Variants in CRABP2 observed in about 807,000 individuals in gnomAD.
The protein encoded by CRABP2 is cellular retinoic acid binding protein 2.
CRABP2 carries 20 observed loss-of-function variants against 17.9 expected under a neutral mutation model. The ratio of observed to expected loss-of-function variants is 1.12; its 90% CI spans 0.79 to 1.63. CRABP2 has a LOEUF of 1.63. CRABP2 is among the 40% of genes most tolerant of loss of function. The pLI is 0.00. For missense variants in CRABP2, 151 were observed against 168.6 expected (o/e 0.90, Z 0.58); for synonymous variants, 76 against 66.4 (o/e 1.14, Z -0.70).
rs531753221 is a variant in CRABP2 at position 156,702,383 on chromosome 1, G to A, written c.71-1331C>T. ...GGGGTAGGAGAATCACTTGAATCCG[G>A]GAGGCGGAGGTTGCAGTGAGCCAAG... On this transcript the variant is annotated intron_variant, in intron 1 of 3. Coordinates refer to ENST00000368222, the MANE Select transcript of CRABP2 (RefSeq NM_001878.4). Among the ~76,000 whole-genome samples, 3 of 152,140 alleles carry A rather than the reference G, an allele frequency of 2.0e-5. No homozygotes were observed. In the South Asian group the frequency reaches 6.2e-4, roughly 32 times the overall value.
chr1:156,701,129 G>T, intron 1 of CRABP2, 77 bp from the exon 2 acceptor site: 1 of 1,505,012 alleles, frequency 6.6e-7, no homozygotes. Flanking sequence ...AAGACAGTTG[G>T]AGCAGGCTGA....
chr1:156,705,427 T>A lies in CRABP2; in HGVS notation c.20A>T (p.Asn7Ile). 6.2e-7 allele frequency: 1 copy of A among 1,614,084 alleles called. No individual in the cohort carries two copies. Among genetic ancestry groups the A allele is most frequent in the Non-Finnish European group, 8.5e-7 (1 of 1,180,000 alleles). The change falls in exon 1 of 4, where the codon AAC becomes ATC. Residue 7 changes from asparagine (N) to isoleucine (I), a missense_variant. Physicochemically the swap from Asn to Ile is moderately radical, Grantham distance 149 (BLOSUM62 -3). Transcript: ENST00000368222. The surrounding 1 kb of genome is among the most constrained non-coding windows in gnomAD (Gnocchi z 5.2). Reference protein sequence around the residue: MPNFSGNWKIIRSENFE... With the variant: MPNFSGIWKIIRSENFE... ...GTTTTCCGATCGGATGATTTTCCAG[T>A]TGCCAGAGAAGTTGGGCATGGTGGC... is the stretch of plus-strand genomic sequence containing the variant.
rs1647980573 is a variant in CRABP2, at chr1:156,700,046, T to G, written c.397A>C (p.Arg133=). Residue 133 remains arginine, a synonymous_variant, in exon 4 of 4, where the codon AGG becomes CGG. Coordinates refer to ENST00000368222, the MANE Select transcript of CRABP2 (RefSeq NM_001878.4). ...TMTADDVVCT[R]VYVRE is the part of the protein sequence containing the mutation. ...GCCACTCACTCTCGGACGTAGACCCTGGTGCACACAACGTCATCCGCCGTC... is the reference window on the plus strand; with the variant it reads ...GCCACTCACTCTCGGACGTAGACCCGGGTGCACACAACGTCATCCGCCGTC... 6.2e-7 allele frequency: 1 copy of G among 1,613,568 alleles called. No homozygotes were observed. The highest frequency in any genetic ancestry group is 8.5e-7 in the Non-Finnish European group (1 of 1,179,778).
rs5778001 is a variant in CRABP2, at chr1:156,703,031, TAAAAAAAAA to T, written c.71-1988_71-1980del. ...GGGCAACACAGTGAGACCCTACCAC[TAAAAAAAAA>T]AAAAAAAAAAAAAAGGAAAGCAAAA... is the stretch of plus-strand genomic sequence containing the variant. On this transcript the variant is annotated intron_variant, in intron 1 of 3. Transcript: ENST00000368222. Among the ~76,000 whole-genome samples, 3 of 86,206 alleles carry T rather than the reference TAAAAAAAAA, an allele frequency of 3.5e-5. No individual in the cohort carries two copies. The Admixed American group carries it at 3.8e-4, about 11-fold the overall frequency. The allele number at this position is 86,206 out of a possible 152,430, so 56.6% of individuals were successfully genotyped here.
At chr1:156,705,723 C>A, upstream of CRABP2, 1 of 432,214 alleles carries the variant, frequency 2.3e-6, no homozygotes, top group Non-Finnish European at 4.2e-6. This position sits in a 1 kb window ranked among gnomAD's most constrained non-coding sequence, Gnocchi z 5.2. Flanking sequence ...GGATCTAGCC[C>A]GCGTGTGGGT....
At position 156,705,429 on chromosome 1, in the gene CRABP2, G is replaced by A; in HGVS notation, c.18C>T (p.Gly6=). 1 of 1,614,120 alleles carries A rather than the reference G, an allele frequency of 6.2e-7. No individual in the cohort carries two copies. The highest frequency in any genetic ancestry group is 8.5e-7 in the Non-Finnish European group (1 of 1,180,016). The part of the protein sequence containing the change: MPNFS[G]NWKIIRSENF... ...TTTCCGATCGGATGATTTTCCAGTT[G>A]CCAGAGAAGTTGGGCATGGTGGCGG... Residue 6 remains glycine, a synonymous_variant, in exon 1 of 4, where the codon GGC becomes GGT. Coordinates refer to ENST00000368222, the MANE Select transcript of CRABP2 (RefSeq NM_001878.4). This position sits in a 1 kb window ranked among gnomAD's most constrained non-coding sequence, Gnocchi z 5.2.
Position 156,705,267 on chromosome 1 carries a change from G to T in CRABP2, c.70+110C>A. ...CCTGGCACGTTTTTCGGGGATGCAG[G>T]CACCCAGTGTCTCACGCCCTGATTG... is the stretch of plus-strand genomic sequence containing the variant. On this transcript the variant is annotated intron_variant, in intron 1 of 3. Transcript: ENST00000368222. The surrounding 1 kb of genome is among the most constrained non-coding windows in gnomAD (Gnocchi z 5.2). 8.3e-7 allele frequency: 1 copy of T among 1,198,076 alleles called. No individual in the cohort carries two copies. Among genetic ancestry groups the T allele is most frequent in the Non-Finnish European group, 1.2e-6 (1 of 810,940 alleles). 74.2% of individuals were successfully genotyped at this position (1,198,076 alleles called of 1,614,324 possible). A position where few individuals can be genotyped will look rare whatever the true frequency, so the allele number is the denominator to read the frequency against.
At chr1:156,703,505 G>A (rs181767638) in intron 1 of CRABP2, among the ~76,000 whole-genome samples, 12 of 152,290 alleles carry the variant, frequency 7.9e-5, no homozygotes, top group Admixed American at 2.6e-4. Flanking sequence ...GCACTAGGCG[G>A]GGGTGAAAGG....
In CRABP2 at chr1:156,700,045, C is replaced by T. The variant is rs372844148; in HGVS notation, c.398G>A (p.Arg133Lys). Residue 133 changes from arginine (R) to lysine (K), a missense_variant, in exon 4 of 4, where the codon AGG becomes AAG. Arg to Lys is a conservative substitution (Grantham distance 26). Coordinates refer to ENST00000368222, the MANE Select transcript of CRABP2 (RefSeq NM_001878.4). ...TMTADDVVCT[R>K]VYVRE ...GGCCACTCACTCTCGGACGTAGACCCTGGTGCACACAACGTCATCCGCCGT... is the reference window on the plus strand; with the variant it reads ...GGCCACTCACTCTCGGACGTAGACCTTGGTGCACACAACGTCATCCGCCGT... 36 of 1,613,494 alleles carry T rather than the reference C, an allele frequency of 2.2e-5. No homozygotes were observed. The highest frequency in any genetic ancestry group is 3.1e-5 in the Non-Finnish European group (36 of 1,179,770).
At position 156,701,164 on chromosome 1, in the gene CRABP2, T is replaced by C. The variant is rs542926350; in HGVS notation, c.71-112A>G. ...ATTTGTGACTTGCTTGGGGTGGGTG[T>C]GTTGGGGGGTGCATCTGCCTGGTGC... On this transcript the variant is annotated intron_variant, in intron 1 of 3. Coordinates refer to ENST00000368222, the MANE Select transcript of CRABP2 (RefSeq NM_001878.4). 54 of 1,200,076 alleles carry C rather than the reference T, an allele frequency of 4.5e-5. 1 individual carries two copies. The African/African-American group carries it at 7.1e-4, about 16-fold the overall frequency. 74.3% of individuals were successfully genotyped at this position (1,200,076 alleles called of 1,614,324 possible).
chr1:156,700,268 G>T (rs1258916825), intron 3 of CRABP2, among the ~76,000 whole-genome samples, 192 bp from the exon 4 acceptor site: 1 of 152,046 alleles, frequency 6.6e-6, no homozygotes, highest in South Asian at 2.1e-4. Context: ...GAGCCCCTGG[G>T]GCCCGTCCTC....
chr1:156,704,699 A>T (rs1459228898), intron 1 of CRABP2, among the ~76,000 whole-genome samples: 1 of 152,192 alleles, frequency 6.6e-6, no homozygotes, highest in Admixed American at 6.5e-5. Context: ...GGGGTTTCAC[A>T]CGAAACCATT....
At chr1:156,700,459 A>T in intron 3 of CRABP2, 83 bp downstream of exon 3, 1 of 1,087,054 alleles carries the variant, frequency 9.2e-7, no homozygotes, top group Non-Finnish European at 1.4e-6. Flanking sequence ...GTTGTTCTTG[A>T]GTCTCCTGCA....
At chr1:156,700,826 G>A in intron 2 of CRABP2, 48 bp downstream of exon 2, 1 of 1,592,162 alleles carries the variant, frequency 6.3e-7, no homozygotes, top group Non-Finnish European at 8.6e-7. Flanking sequence ...GGCAGGTTGA[G>A]AGGCAGGGCA....
intron 2 of CRABP2, 36 bp downstream of exon 2, chr1:156,700,838 T>C (rs1369295914): frequency 6.2e-7 from 1 of 1,600,052 alleles, no homozygotes; most frequent in Middle Eastern, 1.7e-4. Flanking sequence ...GGCAGGGCAA[T>C]GACGCCATGA....
Position 156,699,925 on chromosome 1 carries a change from A to C in CRABP2, c.*101T>G. ...CCCCAGAAGTGACTGGGGTAAGGGG[A>C]GCGCTATCCTAGAAGGAGGGGGTGG... On this transcript the variant is annotated 3_prime_UTR_variant, in exon 4 of 4. Transcript: ENST00000368222. The C allele has an allele frequency of 5.6e-5, 67 of 1,189,482 alleles. No individual in the cohort carries two copies. Among genetic ancestry groups the C allele is most frequent in the Non-Finnish European group, 7.3e-5 (61 of 830,770 alleles). 73.7% of individuals were successfully genotyped at this position (1,189,482 alleles called of 1,614,324 possible).
chr1:156,705,408 C>T lies in CRABP2; in HGVS notation c.39G>A (p.Ser13=), dbSNP rs765195704. ...NFSGNWKIIR[S]ENFEELLKVL... The stretch of plus-strand genomic sequence containing the variant: ...CTTTGAGCAATTCCTCGAAGTTTTC[C>T]GATCGGATGATTTTCCAGTTGCCAG... Residue 13 remains serine, a synonymous_variant, in exon 1 of 4, where the codon TCG becomes TCA. Transcript: ENST00000368222. The surrounding 1 kb of genome is among the most constrained non-coding windows in gnomAD (Gnocchi z 5.2). 2.5e-6 allele frequency: 4 copies of T among 1,614,148 alleles called. No individual in the cohort carries two copies. Among genetic ancestry groups the T allele is most frequent in the Non-Finnish European group, 3.4e-6 (4 of 1,180,008 alleles).
chr1:156,701,437 C>T (rs1296818966), intron 1 of CRABP2, among the ~76,000 whole-genome samples: 1 of 152,098 alleles, frequency 6.6e-6, no homozygotes, highest in African/African-American at 2.4e-5. Context: ...CTACTGGCTC[C>T]GGTTGTCTCT....
intron 1 of CRABP2, among the ~76,000 whole-genome samples, chr1:156,702,285 T>C (rs1300529576): frequency 2.7e-5 from 4 of 149,444 alleles, no homozygotes; most frequent in African/African-American, 9.9e-5. Context: ...ACCCCATCTC[T>C]ACTAAAAATA....
Sources: gnomAD v4.1 joint callset for allele counts (sites outside exome capture counted in the v4.1 genomes callset) on GRCh38, gnomAD v4.1.1 for gene constraint, Gnocchi (gnomAD v3.1) non-coding constraint, MANE v1.5 for transcripts, NCBI Gene and HGNC (gene_info 2026-07-23, HGNC 2026-07-21) for gene names.